Variants in CNTN5 observed in about 807,000 individuals in gnomAD.
CNTN5 encodes contactin-5.
Under a neutral mutation model 129.1 loss-of-function variants are expected in CNTN5, and 77 were observed. The observed-to-expected ratio is 0.60, with a 90% confidence interval of 0.50 to 0.72. CNTN5 has a LOEUF of 0.72. Among genes scored for constraint, CNTN5 ranks in the 30% least tolerant of loss-of-function variants. CNTN5 has a pLI of 0.00. For missense variants in CNTN5, 1,478 were observed against 1,328.8 expected, an observed-to-expected ratio of 1.11 and a Z score of -1.75; for synonymous variants, 509 against 465.6, an observed-to-expected ratio of 1.09 and a Z score of -1.20.
intron 20 of CNTN5, among the ~76,000 whole-genome samples, chr11:100,305,418 C>T (rs1302981726): frequency 2.0e-5 from 3 of 151,634 alleles, no homozygotes; most frequent in Admixed American, 2.0e-4. Flanking sequence ...TCGGCCAACA[C>T]TCAAGAATTC....
intron 3 of CNTN5, among the ~76,000 whole-genome samples, chr11:99,785,662 C>G (rs191686978): frequency 6.6e-6 from 1 of 152,150 alleles, no homozygotes; most frequent in East Asian, 1.9e-4. Context: ...CTTATCAAGT[C>G]GACTTCACCC....
chr11:100,036,278 A>G (rs549210129), intron 9 of CNTN5, among the ~76,000 whole-genome samples: 14 of 152,100 alleles, frequency 9.2e-5, no homozygotes, highest in African/African-American at 2.9e-4. Flanking sequence ...AGATAGCTGT[A>G]GATATGCGGC....
At chr11:100,180,295 C>T (rs1228914847) in intron 13 of CNTN5, among the ~76,000 whole-genome samples, 1 of 151,828 alleles carries the variant, frequency 6.6e-6, no homozygotes, top group Non-Finnish European at 1.5e-5. Context: ...AAACAGATAA[C>T]AAAAATAAAC....
At chr11:99,975,221 G>C (rs191350478) in intron 8 of CNTN5, among the ~76,000 whole-genome samples, 95 of 152,256 alleles carry the variant, frequency 6.2e-4, no homozygotes, top group African/African-American at 2.2e-3. Flanking sequence ...AGGTTTAATG[G>C]GAGTCCACCC....
chr11:100,230,352 A>G (rs990328808), intron 16 of CNTN5, among the ~76,000 whole-genome samples: 4 of 152,182 alleles, frequency 2.6e-5, no homozygotes, highest in African/African-American at 7.2e-5. Context: ...GACTTTCTCT[A>G]ATTAGTGTGA....
At chr11:100,139,941 T>G (rs1441428053) in intron 13 of CNTN5, among the ~76,000 whole-genome samples, 1 of 152,078 alleles carries the variant, frequency 6.6e-6, no homozygotes, top group African/African-American at 2.4e-5. Context: ...AACTGATGGC[T>G]AAGAATATAA....
At chr11:100,342,922 A>T (rs1216162) in intron 23 of CNTN5, among the ~76,000 whole-genome samples, 1 of 152,018 alleles carries the variant, frequency 6.6e-6, no homozygotes, top group African/African-American at 2.4e-5. Context: ...TTTAAACTTT[A>T]TCAGTTTTAT....
Position 100,036,977 on chromosome 11 carries a change from T to C in CNTN5, c.981-24235T>C, listed in dbSNP as rs565885979. 2.0e-5 allele frequency among the ~76,000 whole-genome samples: 3 copies of C among 151,202 alleles called. No individual in the cohort carries two copies. In the East Asian group the frequency reaches 5.9e-4, roughly 30 times the overall value. On this transcript the variant is annotated intron_variant, in intron 9 of 24. Transcript: ENST00000524871. ...CCCTTTATTCCCTTCTCCTGCCTGA[T>C]TGCCCTGCCCAGAACTTCCAACACT...
chr11:99,649,028 A>G (rs1400462298), intron 3 of CNTN5, among the ~76,000 whole-genome samples: 1 of 151,714 alleles, frequency 6.6e-6, no homozygotes, highest in East Asian at 1.9e-4. Context: ...AAAATACCAA[A>G]TATTTTCAAT....
intron 3 of CNTN5, among the ~76,000 whole-genome samples, chr11:99,644,201 GGA>G (rs1951868217): frequency 6.8e-6 from 1 of 147,898 alleles, no homozygotes; most frequent in Admixed American, 7.0e-5. Context: ...CCCATGTCTT[GGA>G]GAGGAGTCAA....
chr11:99,798,105 C>T (rs1038144949), intron 3 of CNTN5, among the ~76,000 whole-genome samples: 3 of 152,072 alleles, frequency 2.0e-5, no homozygotes, highest in Admixed American at 2.0e-4. Flanking sequence ...TCCTTTCCCT[C>T]CTCCTACCCT....
intron 8 of CNTN5, among the ~76,000 whole-genome samples, chr11:100,001,833 C>G (rs563993320): frequency 2.1e-4 from 32 of 152,238 alleles, no homozygotes; most frequent in Admixed American, 5.9e-4. Flanking sequence ...TGCATGTAAT[C>G]TAGTCCTCAG....
intron 7 of CNTN5, among the ~76,000 whole-genome samples, chr11:99,947,386 C>A (rs905345556): frequency 9.4e-5 from 14 of 149,490 alleles, no homozygotes; most frequent in South Asian, 4.2e-4. Context: ...GGGACAAATT[C>A]TTGATGTAGA....
At chr11:99,710,015 C>T (rs1441798507) in intron 3 of CNTN5, among the ~76,000 whole-genome samples, 1 of 151,874 alleles carries the variant, frequency 6.6e-6, no homozygotes, top group Non-Finnish European at 1.5e-5. Context: ...CTTCCTCTTC[C>T]AGAAATGTTT....
chr11:99,562,841 C>T (rs1323468934), intron 3 of CNTN5, among the ~76,000 whole-genome samples: 1 of 152,094 alleles, frequency 6.6e-6, no homozygotes, highest in African/African-American at 2.4e-5. Flanking sequence ...AAATACTGAG[C>T]TCAACAATGT....
chr11:99,785,160 T>C (rs527612650), intron 3 of CNTN5, among the ~76,000 whole-genome samples: 1 of 152,276 alleles, frequency 6.6e-6, no homozygotes, highest in East Asian at 1.9e-4. Flanking sequence ...TGACTGGTGA[T>C]GATTAGCTTT....
intron 7 of CNTN5, among the ~76,000 whole-genome samples, chr11:99,937,543 C>T (rs1417226048): frequency 6.6e-6 from 1 of 152,154 alleles, no homozygotes; most frequent in Non-Finnish European, 1.5e-5. Context: ...TGTGTGTGCT[C>T]AGGCTGCGGT....
At chr11:99,106,657 A>C (rs1867012892) in intron 1 of CNTN5, among the ~76,000 whole-genome samples, 1 of 152,096 alleles carries the variant, frequency 6.6e-6, no homozygotes, top group African/African-American at 2.4e-5. Context: ...ACATATCTTA[A>C]ACAGTTAGAT....
At chr11:99,951,594 A>G (rs1291333946) in intron 7 of CNTN5, among the ~76,000 whole-genome samples, 2 of 152,218 alleles carry the variant, frequency 1.3e-5, no homozygotes, top group Non-Finnish European at 2.9e-5. Context: ...AAAATTTAAT[A>G]TCCCTTATCT....
Sources: allele counts gnomAD v4.1 joint callset (sites outside exome capture counted in the v4.1 genomes callset), GRCh38; gene constraint gnomAD v4.1.1; transcripts MANE v1.5; gene names NCBI Gene and HGNC (gene_info 2026-07-23, HGNC 2026-07-21).